The following UGT1A9 variants were observed in gnomAD, a reference collection of about 807,000 sequenced individuals.
The protein encoded by UGT1A9 is UDP glucuronosyltransferase family 1 member A9.
UGT1A9 carries 35 observed loss-of-function variants against 45.0 expected under a neutral mutation model. That is an observed-to-expected ratio of 0.78 (90% CI 0.59 to 1.03). UGT1A9 has a LOEUF of 1.03. UGT1A9 is among the 50% of genes least tolerant of loss of function. The pLI is 0.00. For synonymous variants in UGT1A9, 278 were observed against 250.6 expected (o/e 1.11, Z -1.03); for missense variants, 687 against 666.6 (o/e 1.03, Z -0.34).
intron 1 of UGT1A9, among the ~76,000 whole-genome samples, chr2:233,706,419 C>T (rs1315214642): frequency 6.6e-6 from 1 of 152,228 alleles, no homozygotes; most frequent in Admixed American, 6.5e-5. Flanking sequence ...TTCACGTGGT[C>T]TTTCAGCCAC....
intron 1 of UGT1A9, chr2:233,743,752 C>T (rs1459474773): frequency 7.3e-7 from 1 of 1,367,268 alleles, no homozygotes. Flanking sequence ...CGTCCGACAA[C>T]ACCTCGTAGG....
intron 1 of UGT1A9, chr2:233,729,392 T>A (rs1335672104): frequency 6.2e-7 from 1 of 1,613,876 alleles, no homozygotes; most frequent in Non-Finnish European, 8.5e-7. Flanking sequence ...CAGGATGAAT[T>A]TGATCGCCAT....
chr2:233,687,758 T>C (rs984466246), intron 1 of UGT1A9, among the ~76,000 whole-genome samples: 1 of 151,916 alleles, frequency 6.6e-6, no homozygotes, highest in Non-Finnish European at 1.5e-5. Flanking sequence ...TTTTAAAAAT[T>C]AGCTGGGCCT....
At position 233,705,067 on chromosome 2, in the gene UGT1A9, C is replaced by T. The variant is rs141940353; in HGVS notation, c.855+32278C>T. ...AGGAGAATTGCTTGAACCCGGGAGGCGGAGGTTGCAGAGAGCCAAGATCGT... is the reference window on the plus strand; with the variant it reads ...AGGAGAATTGCTTGAACCCGGGAGGTGGAGGTTGCAGAGAGCCAAGATCGT... On this transcript the variant is annotated intron_variant, in intron 1 of 4. Transcript: ENST00000354728. 1.6e-3 allele frequency among the ~76,000 whole-genome samples: 242 copies of T among 150,442 alleles called. 6 individuals are homozygous for T. The East Asian group carries it at 0.044, about 28-fold the overall frequency.
At chr2:233,738,331 A>G (rs1320922630) in intron 1 of UGT1A9, among the ~76,000 whole-genome samples, 1 of 152,220 alleles carries the variant, frequency 6.6e-6, no homozygotes, top group African/African-American at 2.4e-5. Context: ...GGACTAATAC[A>G]GTAAATTGGT....
intron 1 of UGT1A9, among the ~76,000 whole-genome samples, chr2:233,681,049 C>CTTGTGGCTCACCTGTGTCACAA (rs1187980747): frequency 5.3e-5 from 8 of 151,900 alleles, no homozygotes; most frequent in Non-Finnish European, 1.5e-5. Context: ...ACAAGCAGCA[C>CTTGTGGCTCACCTGTGTCACAA]TTGTGGCTCA....
intron 1 of UGT1A9, chr2:233,719,725 C>A (rs766716310): frequency 3.7e-5 from 59 of 1,613,632 alleles, no homozygotes; most frequent in Non-Finnish European, 4.7e-5. Context: ...ATGTTCCAGG[C>A]AAAACACTTT....
intron 1 of UGT1A9, among the ~76,000 whole-genome samples, chr2:233,701,639 A>C (rs146387920): frequency 0.018 from 2,734 of 152,308 alleles, 77 homozygotes; most frequent in African/African-American, 0.062. Context: ...ATTATAGCAA[A>C]CTGTCTCTCA....
chr2:233,751,728 CCTCT>C (rs1694798514), intron 1 of UGT1A9, among the ~76,000 whole-genome samples: 2 of 152,164 alleles, frequency 1.3e-5, no homozygotes, highest in South Asian at 2.1e-4. Flanking sequence ...GTGAACTCTT[CCTCT>C]CTGTTTCTCT....
chr2:233,673,035 C>G (rs886407428), intron 1 of UGT1A9, among the ~76,000 whole-genome samples: 7 of 152,044 alleles, frequency 4.6e-5, no homozygotes, highest in African/African-American at 1.7e-4. Context: ...TTTTAAGTAC[C>G]ATGTTTAGAA....
At chr2:233,710,205 G>C (rs766804626) in intron 1 of UGT1A9, among the ~76,000 whole-genome samples, 1 of 152,228 alleles carries the variant, frequency 6.6e-6, no homozygotes, top group Admixed American at 6.5e-5. Context: ...CCAGTTGTTG[G>C]CTATTATGAA....
At chr2:233,693,360 T>C (rs1395029854) in intron 1 of UGT1A9, 19 of 1,614,090 alleles carry the variant, frequency 1.2e-5, no homozygotes, top group Non-Finnish European at 1.6e-5. Context: ...ATGATTGTTA[T>C]TGGCCTGTAC....
At position 233,672,678 on chromosome 2, in the gene UGT1A9, A is replaced by C; in HGVS notation, c.744A>C (p.Thr248=). Residue 248 remains threonine, a synonymous_variant, in exon 1 of 5, where the codon ACA becomes ACC. Coordinates refer to ENST00000354728, the MANE Select transcript of UGT1A9 (RefSeq NM_021027.3). Reference sequence around the variant, plus strand: ...CGGAGTATGATCTCTACAGCCACACATCAATTTGGTTGTTGCGAACGGACT... The same window carrying C: ...CGGAGTATGATCTCTACAGCCACACCTCAATTTGGTTGTTGCGAACGGACT... The part of the protein sequence containing the change: ...PVTEYDLYSH[T]SIWLLRTDFV... 6.2e-7 allele frequency: 1 copy of C among 1,613,898 alleles called. No individual in the cohort carries two copies. The highest frequency in any genetic ancestry group is 1.3e-5 in the African/African-American group (1 of 75,000).
At chr2:233,685,598 A>C (rs2074745472) in intron 1 of UGT1A9, among the ~76,000 whole-genome samples, 1 of 152,210 alleles carries the variant, frequency 6.6e-6, no homozygotes. Context: ...GCCTCCCTCC[A>C]AGATTATTTA....
At chr2:233,704,796 T>TTA (rs2075807222) in intron 1 of UGT1A9, among the ~76,000 whole-genome samples, 1 of 152,134 alleles carries the variant, frequency 6.6e-6, no homozygotes, top group African/African-American at 2.4e-5. Flanking sequence ...AACAATATAA[T>TTA]TATATATATG....
intron 1 of UGT1A9, chr2:233,719,568 A>C (rs1164551922): frequency 1.9e-6 from 3 of 1,613,756 alleles, no homozygotes; most frequent in East Asian, 2.2e-5. Flanking sequence ...GGATCTTGTC[A>C]GCTATGCATC....
At chr2:233,724,315 G>T (rs1179998085) in intron 1 of UGT1A9, among the ~76,000 whole-genome samples, 3 of 148,806 alleles carry the variant, frequency 2.0e-5, no homozygotes, top group African/African-American at 5.0e-5. Context: ...CTCCCGGACG[G>T]GGCGGCTGGC....
intron 1 of UGT1A9, among the ~76,000 whole-genome samples, chr2:233,712,135 C>T (rs953874748): frequency 2.6e-5 from 4 of 152,214 alleles, no homozygotes; most frequent in South Asian, 2.1e-4. Flanking sequence ...CTGGAGCCTT[C>T]AGCATTCAGA....
chr2:233,688,149 G>T (rs975750928), intron 1 of UGT1A9, among the ~76,000 whole-genome samples: 1 of 152,048 alleles, frequency 6.6e-6, no homozygotes, highest in Non-Finnish European at 1.5e-5. Flanking sequence ...GTATGGATTT[G>T]CCTATTCTGG....
Sources: gnomAD v4.1 joint callset for allele counts (sites outside exome capture counted in the v4.1 genomes callset) on GRCh38, gnomAD v4.1.1 for gene constraint, MANE v1.5 for transcripts, NCBI Gene and HGNC (gene_info 2026-07-23, HGNC 2026-07-21) for gene names.